Variants in ADAMTSL1 observed in about 807,000 individuals in gnomAD.
ADAMTSL1 encodes the protein ADAMTS-like protein 1.
Under a neutral mutation model 201.8 loss-of-function variants are expected in ADAMTSL1, and 126 were observed. The observed-to-expected ratio is 0.62, with a 90% confidence interval of 0.54 to 0.72. ADAMTSL1 has a LOEUF of 0.72. Among genes scored for constraint, ADAMTSL1 ranks in the 30% least tolerant of loss-of-function variants. The probability of loss-of-function intolerance (pLI) is 0.00; values close to 1 mark genes in which losing one functional copy is unlikely to be tolerated. For missense variants in ADAMTSL1, 2,679 were observed against 2,277.8 expected (o/e 1.18, Z -3.59); for synonymous variants, 1,121 against 903.4 (o/e 1.24, Z -4.32).
chr9:18,393,102 G>A (rs151338253), intron 2 of ADAMTSL1, among the ~76,000 whole-genome samples: 1 of 152,128 alleles, frequency 6.6e-6, no homozygotes, highest in Non-Finnish European at 1.5e-5. Flanking sequence ...TACTACTCAG[G>A]TTATTAGTGG....
At chr9:18,103,948 A>T (rs971164158) in intron 1 of ADAMTSL1, among the ~76,000 whole-genome samples, 14 of 152,204 alleles carry the variant, frequency 9.2e-5, no homozygotes, top group African/African-American at 3.1e-4. Flanking sequence ...TAGCATATTG[A>T]AAGCCCTGAG....
In ADAMTSL1 at chr9:18,215,375, A is replaced by G. The variant is rs570194757; in HGVS notation, c.207+51394A>G. ...GGAAATTTATGGGAAAACCTTAACTATAATAACTTAAGTATTTTATAAAAA... is the reference window on the plus strand; with the variant it reads ...GGAAATTTATGGGAAAACCTTAACTGTAATAACTTAAGTATTTTATAAAAA... On this transcript the variant is annotated intron_variant, in intron 2 of 29. Transcript: ENST00000680146. Among the ~76,000 whole-genome samples, 6 of 152,354 alleles carry G rather than the reference A, an allele frequency of 3.9e-5. 1 individual carries two copies. The highest frequency in any genetic ancestry group is 1.2e-4 in the African/African-American group (5 of 41,594).
chr9:18,328,434 G>A (rs1436200684), intron 2 of ADAMTSL1, among the ~76,000 whole-genome samples: 2 of 152,140 alleles, frequency 1.3e-5, no homozygotes, highest in Non-Finnish European at 2.9e-5. Context: ...TGCATACCAG[G>A]TGTCATTTTA....
At chr9:18,863,725 A>G (rs566143503) in intron 23 of ADAMTSL1, among the ~76,000 whole-genome samples, 3 of 152,262 alleles carry the variant, frequency 2.0e-5, no homozygotes, top group African/African-American at 7.2e-5. Context: ...AGAATGCCAA[A>G]CCAGAAATGG....
chr9:17,946,152 A>C (rs72695961), intron 1 of ADAMTSL1, among the ~76,000 whole-genome samples: 2,080 of 148,280 alleles, frequency 0.014, 27 homozygotes, highest in Non-Finnish European at 0.024. Context: ...CATGACCACC[A>C]TGCCCAGCTA....
intron 1 of ADAMTSL1, among the ~76,000 whole-genome samples, chr9:17,940,144 T>C (rs1303141459): frequency 2.6e-5 from 4 of 152,172 alleles, no homozygotes; most frequent in African/African-American, 7.2e-5. Flanking sequence ...CTCTGAATCA[T>C]ATCTTGACAG....
intron 20 of ADAMTSL1, among the ~76,000 whole-genome samples, chr9:18,796,067 A>G (rs1453194076): frequency 3.9e-5 from 6 of 152,186 alleles, no homozygotes; most frequent in Non-Finnish European, 2.9e-5. Flanking sequence ...TTGAGGTTAG[A>G]CAATACATTC....
intron 1 of ADAMTSL1, among the ~76,000 whole-genome samples, chr9:18,138,423 A>G (rs2131993943): frequency 6.6e-6 from 1 of 152,254 alleles, no homozygotes; most frequent in South Asian, 2.1e-4. Context: ...TTTAGGGAGT[A>G]ACGAACTTGA....
chr9:18,041,174 A>C (rs1013177415), intron 1 of ADAMTSL1, among the ~76,000 whole-genome samples: 6 of 152,212 alleles, frequency 3.9e-5, no homozygotes, highest in Admixed American at 6.5e-5. Context: ...TAACACATGT[A>C]GCTACAGAAA....
At chr9:18,701,456 G>A (rs1831918229) in intron 13 of ADAMTSL1, among the ~76,000 whole-genome samples, 1 of 152,108 alleles carries the variant, frequency 6.6e-6, no homozygotes, top group South Asian at 2.1e-4. Context: ...CTGACTTCAG[G>A]CGATCCGCCC....
intron 1 of ADAMTSL1, among the ~76,000 whole-genome samples, chr9:17,962,907 CGGTTG>C (rs1318830256): frequency 6.6e-6 from 1 of 152,180 alleles, no homozygotes; most frequent in Non-Finnish European, 1.5e-5. Context: ...AAGTAATTGT[CGGTTG>C]GTATTCAGGG....
rs77203527 is a variant in ADAMTSL1, at chr9:18,774,028, A to G, written c.2398-1715A>G. The stretch of plus-strand genomic sequence containing the variant: ...CATCACACAGAATAGTGTCACTTCA[A>G]TATGTTAGCATATAACACTTGAAAA... On this transcript the variant is annotated intron_variant, in intron 17 of 28. Transcript: ENST00000380548. Among the ~76,000 whole-genome samples, 908 of 152,290 alleles carry G rather than the reference A, an allele frequency of 6.0e-3. 10 individuals carry two copies. The highest frequency in any genetic ancestry group is 0.052 in the South Asian group (250 of 4,822).
At chr9:18,228,312 T>C (rs2132394536) in intron 2 of ADAMTSL1, among the ~76,000 whole-genome samples, 1 of 152,280 alleles carries the variant, frequency 6.6e-6, no homozygotes, top group East Asian at 1.9e-4. Context: ...ACCAGAACTC[T>C]AGCACATTGA....
chr9:18,098,237 A>G (rs1219427896), intron 1 of ADAMTSL1, among the ~76,000 whole-genome samples: 1 of 152,102 alleles, frequency 6.6e-6, no homozygotes, highest in Non-Finnish European at 1.5e-5. Flanking sequence ...GAAAACCAGT[A>G]GTTTAACTTA....
At chr9:18,292,535 G>A (rs1199616644) in intron 2 of ADAMTSL1, among the ~76,000 whole-genome samples, 3 of 152,070 alleles carry the variant, frequency 2.0e-5, no homozygotes, top group African/African-American at 7.3e-5. Flanking sequence ...GACTGGGAGA[G>A]ACAGACCCTC....
chr9:18,185,045 C>G (rs1358467864), intron 2 of ADAMTSL1, among the ~76,000 whole-genome samples: 1 of 152,074 alleles, frequency 6.6e-6, no homozygotes, highest in African/African-American at 2.4e-5. Flanking sequence ...TTTTGGATGT[C>G]AGATTTTCAG....
At chr9:18,701,212 C>CTTTTT (rs35537367) in intron 13 of ADAMTSL1, among the ~76,000 whole-genome samples, 3 of 87,696 alleles carry the variant, frequency 3.4e-5, no homozygotes, top group African/African-American at 8.2e-5. Flanking sequence ...CTTTTGGGTT[C>CTTTTT]TTTTTTTTTT....
intron 13 of ADAMTSL1, among the ~76,000 whole-genome samples, chr9:18,703,044 G>C (rs954560202): frequency 6.6e-6 from 1 of 152,158 alleles, no homozygotes; most frequent in Non-Finnish European, 1.5e-5. Flanking sequence ...TCCCAGGCGT[G>C]AGTGCCCGGC....
intron 19 of ADAMTSL1, among the ~76,000 whole-genome samples, chr9:18,792,171 C>G (rs1219281396): frequency 6.6e-6 from 1 of 152,140 alleles, no homozygotes; most frequent in Non-Finnish European, 1.5e-5. Context: ...TCACAATTTC[C>G]TCATCCTCCC....
Sources: allele counts gnomAD v4.1 joint callset (sites outside exome capture counted in the v4.1 genomes callset), GRCh38; gene constraint gnomAD v4.1.1; transcripts MANE v1.5; gene names NCBI Gene and HGNC (gene_info 2026-07-23, HGNC 2026-07-21).